The following AP2B1 variants were observed in gnomAD, a reference collection of about 807,000 sequenced individuals.
AP2B1 encodes adaptor related protein complex 2 subunit beta 1.
Under a neutral mutation model 102.0 loss-of-function variants are expected in AP2B1, and 23 were observed. The observed-to-expected ratio is 0.23, with a 90% CI of 0.16 to 0.32. The LOEUF is 0.32. Among genes scored for constraint, AP2B1 ranks in the 10% least tolerant of loss-of-function variants. The probability of loss-of-function intolerance (pLI) is 1.00; values close to 1 mark genes in which losing one functional copy is unlikely to be tolerated. For synonymous variants in AP2B1, 381 were observed against 421.2 expected, an observed-to-expected ratio of 0.90 and a Z score of 1.17; for missense variants, 541 against 1,157.4, an observed-to-expected ratio of 0.47 and a Z score of 7.73.
chr17:35,682,912 C>A, intron 18 of AP2B1, 88 bp downstream of exon 18: 1 of 1,287,064 alleles, frequency 7.8e-7, no homozygotes, highest in Non-Finnish European at 1.0e-6. Context: ...CAGTCTTACT[C>A]TGTTGCCCAG....
At chr17:35,708,628 A>C (rs2076390379) in intron 18 of AP2B1, among the ~76,000 whole-genome samples, 1 of 152,206 alleles carries the variant, frequency 6.6e-6, no homozygotes, top group Non-Finnish European at 1.5e-5. Flanking sequence ...CCTGGGAAAT[A>C]AGGTTTTATA....
At chr17:35,612,880 G>GCACACA (rs55739970) in intron 5 of AP2B1, among the ~76,000 whole-genome samples, 2 of 143,872 alleles carry the variant, frequency 1.4e-5, no homozygotes, top group Non-Finnish European at 3.0e-5. Context: ...GTGTATGTGC[G>GCACACA]CACACACACA....
At chr17:35,675,503 C>T (rs945588642) in intron 17 of AP2B1, among the ~76,000 whole-genome samples, 7 of 152,192 alleles carry the variant, frequency 4.6e-5, no homozygotes, top group Non-Finnish European at 1.0e-4. Flanking sequence ...TTTTGAGGAG[C>T]TGGCCCTGTT....
At chr17:35,630,015 G>T (rs1462411512) in intron 9 of AP2B1, among the ~76,000 whole-genome samples, 1 of 152,218 alleles carries the variant, frequency 6.6e-6, no homozygotes, top group South Asian at 2.1e-4. Flanking sequence ...TCTGCCTAGA[G>T]TCAGAGGATT....
chr17:35,653,383 T>C (rs2075138140), intron 13 of AP2B1, among the ~76,000 whole-genome samples: 1 of 152,222 alleles, frequency 6.6e-6, no homozygotes, highest in Non-Finnish European at 1.5e-5. Context: ...TGATTTCACC[T>C]GAGATGTGTA....
intron 18 of AP2B1, among the ~76,000 whole-genome samples, chr17:35,691,684 G>A (rs1030226904): frequency 6.6e-6 from 1 of 152,172 alleles, no homozygotes; most frequent in Non-Finnish European, 1.5e-5. Context: ...GTTGGATCCA[G>A]CGTTGGATCT....
At chr17:35,659,387 T>C (rs2075307944) in intron 14 of AP2B1, among the ~76,000 whole-genome samples, 1 of 152,302 alleles carries the variant, frequency 6.6e-6, no homozygotes, top group East Asian at 1.9e-4. Context: ...CTTGACCCAC[T>C]ATAAACATAG....
At chr17:35,657,235 T>TCA (rs2075252003) in intron 13 of AP2B1, among the ~76,000 whole-genome samples, 2 of 152,198 alleles carry the variant, frequency 1.3e-5, no homozygotes, top group African/African-American at 4.8e-5. Flanking sequence ...AATGCTGATT[T>TCA]TTTTGTTGGT....
At chr17:35,682,334 CTTTT>C (rs587645888) in intron 17 of AP2B1, among the ~76,000 whole-genome samples, 4 of 72,054 alleles carry the variant, frequency 5.6e-5, no homozygotes, top group African/African-American at 1.2e-4. Flanking sequence ...AATCCTGCCT[CTTTT>C]TTTTTTTTTT....
chr17:35,629,165 C>T (rs1359512078), intron 9 of AP2B1, among the ~76,000 whole-genome samples: 1 of 152,136 alleles, frequency 6.6e-6, no homozygotes, highest in Admixed American at 6.5e-5. Context: ...CTGGGCTGGT[C>T]TTGAACTCCT....
chr17:35,644,471 G>A (rs962252683), intron 12 of AP2B1, among the ~76,000 whole-genome samples: 9 of 151,912 alleles, frequency 5.9e-5, no homozygotes, highest in African/African-American at 1.7e-4. Flanking sequence ...TCCACCTCCC[G>A]GGTTCAAACA....
intron 18 of AP2B1, among the ~76,000 whole-genome samples, chr17:35,684,895 AAAAAG>A (rs2075899509): frequency 1.3e-5 from 2 of 152,216 alleles, no homozygotes; most frequent in Non-Finnish European, 2.9e-5. Context: ...TGAAAAGAAA[AAAAAG>A]AAAAGAAACA....
At chr17:35,710,357 TA>T in intron 20 of AP2B1, 37 bp downstream of exon 20, 1 of 1,360,632 alleles carries the variant, frequency 7.3e-7, no homozygotes. Context: ...TTCATCTTAG[TA>T]AATCAAATTA....
At chr17:35,637,059 C>T (rs2074627480) in intron 10 of AP2B1, among the ~76,000 whole-genome samples, 1 of 152,046 alleles carries the variant, frequency 6.6e-6, no homozygotes, top group South Asian at 2.1e-4. Flanking sequence ...TTGAGGGCCT[C>T]TTAGTATATG....
At chr17:35,590,494 A>T (rs887607112) in intron 1 of AP2B1, among the ~76,000 whole-genome samples, 2 of 151,934 alleles carry the variant, frequency 1.3e-5, no homozygotes, top group East Asian at 3.9e-4. Flanking sequence ...TATTTACACT[A>T]TTTTCATTTT....
At chr17:35,601,967 G>T (rs972242093) in intron 3 of AP2B1, among the ~76,000 whole-genome samples, 1 of 152,008 alleles carries the variant, frequency 6.6e-6, no homozygotes, top group Non-Finnish European at 1.5e-5. Context: ...AGTAGAGATG[G>T]GGTTTCTGCA....
In AP2B1 at chr17:35,653,797, TTA is replaced by T. The variant is rs2075149459; in HGVS notation, c.1796+3010_1796+3011del. ...GGCTGGAATATGAACAGGTTCTGAA[TTA>T]TCGACCCCAGTGCTCTACCCTGAGA... On this transcript the variant is annotated intron_variant, in intron 13 of 21. Coordinates refer to ENST00000610402, the MANE Select transcript of AP2B1 (RefSeq NM_001030006.2). 1.3e-5 allele frequency among the ~76,000 whole-genome samples: 2 copies of T among 152,026 alleles called. 1 individual carries two copies. The highest frequency in any genetic ancestry group is 1.3e-4 in the Admixed American group (2 of 15,264).
chr17:35,685,238 A>G (rs1175143415), intron 18 of AP2B1, among the ~76,000 whole-genome samples: 1 of 152,176 alleles, frequency 6.6e-6, no homozygotes, highest in African/African-American at 2.4e-5. Flanking sequence ...AAAAGAGAAA[A>G]ACTTTTTCCC....
At chr17:35,608,894 T>C (rs1404026081) in intron 5 of AP2B1, among the ~76,000 whole-genome samples, 2 of 152,220 alleles carry the variant, frequency 1.3e-5, no homozygotes, top group Non-Finnish European at 2.9e-5. Flanking sequence ...CCTTAAAGTT[T>C]TGGGACCTTT....
Sources: gnomAD v4.1 joint callset for allele counts (sites outside exome capture counted in the v4.1 genomes callset) on GRCh38, gnomAD v4.1.1 for gene constraint, MANE v1.5 for transcripts, NCBI Gene and HGNC (gene_info 2026-07-23, HGNC 2026-07-21) for gene names.